Variants in KHDRBS2 observed in about 807,000 individuals in gnomAD.
KHDRBS2 encodes the protein KH domain-containing, RNA-binding, signal transduction-associated protein 2.
KHDRBS2 carries 26 observed loss-of-function variants against 44.3 expected under a neutral mutation model. That is an observed-to-expected ratio of 0.59 (90% CI 0.43 to 0.81). KHDRBS2 has a LOEUF of 0.81. Among genes scored for constraint, KHDRBS2 ranks in the 40% least tolerant of loss-of-function variants. The probability of loss-of-function intolerance (pLI) is 0.00; values close to 1 mark genes in which losing one functional copy is unlikely to be tolerated. For synonymous variants in KHDRBS2, 194 were observed against 151.1 expected (o/e 1.28, Z -2.08); for missense variants, 476 against 433.1 (o/e 1.10, Z -0.88).
chr6:61,593,164 G>C, the KHDRBS2 span, among the ~76,000 whole-genome samples: 1 of 152,180 alleles, frequency 6.6e-6, no homozygotes, highest in Non-Finnish European at 1.5e-5. Flanking sequence ...AAGTGTTCTA[G>C]TAAACTTTCT....
At chr6:61,769,269 C>T (rs1189605455) in intron 6 of KHDRBS2, among the ~76,000 whole-genome samples, 1 of 152,108 alleles carries the variant, frequency 6.6e-6, no homozygotes, top group Non-Finnish European at 1.5e-5. Context: ...GCATTTCCAA[C>T]TGAGGTACCG....
chr6:61,841,038 C>T (rs1444382821), intron 6 of KHDRBS2, among the ~76,000 whole-genome samples: 3 of 151,982 alleles, frequency 2.0e-5, no homozygotes, highest in Non-Finnish European at 4.4e-5. Flanking sequence ...TATAGTGGCC[C>T]TTACAACATT....
At chr6:61,775,921 T>C (rs1414864160) in intron 6 of KHDRBS2, among the ~76,000 whole-genome samples, 1 of 152,196 alleles carries the variant, frequency 6.6e-6, no homozygotes, top group Non-Finnish European at 1.5e-5. Flanking sequence ...CAAAACAGCA[T>C]GGTACTGGTA....
In KHDRBS2 at chr6:61,816,564, A is replaced by T. The variant is rs1464104818; in HGVS notation, c.810+78071T>A. 9.3e-6 allele frequency: 4 copies of T among 432,362 alleles called. No individual in the cohort carries two copies. In the East Asian group the frequency reaches 2.9e-4, roughly 31 times the overall value. The allele number at this position is 432,362 out of a possible 1,614,324, so 26.8% of individuals were successfully genotyped here. A position where few individuals can be genotyped will look rare whatever the true frequency, so the allele number is the denominator to read the frequency against. On this transcript the variant is annotated intron_variant, in intron 6 of 8. Transcript: ENST00000281156. ...GACCCTGCTGACATATTGGACTTCT[A>T]GCCTCCAGAACTATGAGAAAAATAA...
intron 3 of KHDRBS2, among the ~76,000 whole-genome samples, chr6:62,012,951 C>T (rs1225048719): frequency 3.9e-5 from 6 of 152,120 alleles, no homozygotes; most frequent in African/African-American, 1.4e-4. Context: ...GGCAATATCT[C>T]CAGCAACTAG....
rs16881604 is a variant in KHDRBS2 at position 62,149,528 on chromosome 6, T to G, written c.219+27657A>C. ...TTTGTCCATTCCCCCAACTAAAAGG[T>G]CCTTCAAGAAAAAGTGAACATTTAA... is the stretch of plus-strand genomic sequence containing the variant. On this transcript the variant is annotated intron_variant, in intron 2 of 8. Transcript: ENST00000281156. Among the ~76,000 whole-genome samples the G allele has an allele frequency of 8.2e-3, 1,249 of 152,216 alleles. 17 individuals are homozygous for G. The highest frequency in any genetic ancestry group is 0.029 in the African/African-American group (1,209 of 41,544).
intron 1 of KHDRBS2, among the ~76,000 whole-genome samples, chr6:62,178,710 CCTT>C (rs1821649666): frequency 6.6e-6 from 1 of 151,278 alleles, no homozygotes; most frequent in Non-Finnish European, 1.5e-5. Context: ...TTAAAAATTA[CCTT>C]TATGTTTTTT....
chr6:61,597,019 G>T, the KHDRBS2 span, among the ~76,000 whole-genome samples: 1 of 152,244 alleles, frequency 6.6e-6, no homozygotes, highest in South Asian at 2.1e-4. Context: ...AAGACACAGA[G>T]CTTAGATCTA....
chr6:61,725,042 A>T (rs1295769243), intron 7 of KHDRBS2, among the ~76,000 whole-genome samples: 1 of 152,158 alleles, frequency 6.6e-6, no homozygotes, highest in Admixed American at 6.6e-5. Context: ...TTATTCTAAA[A>T]TTGAGCACAT....
intron 6 of KHDRBS2, among the ~76,000 whole-genome samples, chr6:61,793,107 G>A (rs1784850176): frequency 6.6e-6 from 1 of 151,948 alleles, no homozygotes; most frequent in Admixed American, 6.6e-5. Flanking sequence ...GCCTACAAGG[G>A]AACTTGCTGT....
At chr6:61,917,105 C>T (rs1271353691) in intron 4 of KHDRBS2, among the ~76,000 whole-genome samples, 1 of 149,766 alleles carries the variant, frequency 6.7e-6, no homozygotes, top group Non-Finnish European at 1.5e-5. Context: ...TCTATCCAAA[C>T]GAGTTGAAAA....
chr6:61,602,378 T>C, the KHDRBS2 span, among the ~76,000 whole-genome samples: 3 of 152,100 alleles, frequency 2.0e-5, no homozygotes, highest in African/African-American at 7.2e-5. Flanking sequence ...TTGCTACGAG[T>C]GCCAGAAATC....
intron 6 of KHDRBS2, among the ~76,000 whole-genome samples, chr6:61,854,920 C>T (rs890167929): frequency 2.0e-5 from 3 of 152,170 alleles, no homozygotes; most frequent in Admixed American, 2.0e-4. Context: ...ATCTTCTGTG[C>T]TGCATATGCC....
At chr6:62,270,236 G>C (rs548114977) in intron 1 of KHDRBS2, among the ~76,000 whole-genome samples, 1 of 150,864 alleles carries the variant, frequency 6.6e-6, no homozygotes, top group East Asian at 2.0e-4. Flanking sequence ...CACTCTATTA[G>C]TTCACACAAG....
intron 7 of KHDRBS2, among the ~76,000 whole-genome samples, chr6:61,723,069 C>T (rs1772950124): frequency 6.6e-6 from 1 of 152,066 alleles, no homozygotes; most frequent in African/African-American, 2.4e-5. Flanking sequence ...GTGATACCTT[C>T]AGGTATGGGA....
chr6:61,609,783 A>T, the KHDRBS2 span, among the ~76,000 whole-genome samples: 4 of 152,230 alleles, frequency 2.6e-5, no homozygotes, highest in East Asian at 1.9e-4. Flanking sequence ...CAAGCAGTCA[A>T]TTCTAGCAGT....
chr6:61,607,163 G>A, the KHDRBS2 span, among the ~76,000 whole-genome samples: 1 of 151,794 alleles, frequency 6.6e-6, no homozygotes, highest in Admixed American at 6.6e-5. Flanking sequence ...AGAGATTTTG[G>A]ACATTAAAAG....
At chr6:62,083,012 G>T (rs181183588) in intron 2 of KHDRBS2, among the ~76,000 whole-genome samples, 25 of 152,168 alleles carry the variant, frequency 1.6e-4, no homozygotes, top group South Asian at 4.2e-4. Context: ...AGTAGAAAAG[G>T]GCAGGGTCCC....
At chr6:61,564,584 GATAGTATCA>G in the KHDRBS2 span, among the ~76,000 whole-genome samples, 2 of 152,002 alleles carry the variant, frequency 1.3e-5, no homozygotes. Flanking sequence ...TAAAGTTGAG[GATAGTATCA>G]ATATCCGAGA....
Sources: gnomAD v4.1 joint callset for allele counts (sites outside exome capture counted in the v4.1 genomes callset) on GRCh38, gnomAD v4.1.1 for gene constraint, MANE v1.5 for transcripts, NCBI Gene and HGNC (gene_info 2026-07-23, HGNC 2026-07-21) for gene names.